PXDNL: variants seen among roughly 807,000 people sequenced by gnomAD.
The protein encoded by PXDNL is probable oxidoreductase PXDNL.
Under a neutral mutation model 150.8 loss-of-function variants are expected in PXDNL, and 145 were observed. The observed-to-expected ratio is 0.96, with a 90% CI of 0.84 to 1.10. PXDNL has a LOEUF of 1.10. Among genes scored for constraint, PXDNL ranks in the 50% least tolerant of loss-of-function variants. The pLI is 0.00. For missense variants in PXDNL, 2,087 were observed against 1,873.9 expected (o/e 1.11, Z -2.10); for synonymous variants, 757 against 725.7 (o/e 1.04, Z -0.69).
At chr8:51,608,793 C>T (rs542382065) in intron 2 of PXDNL, among the ~76,000 whole-genome samples, 55 of 139,276 alleles carry the variant, frequency 3.9e-4, no homozygotes, top group Non-Finnish European at 7.4e-4. Flanking sequence ...GCCGAGATTG[C>T]GCCACTGCAC....
intron 1 of PXDNL, among the ~76,000 whole-genome samples, chr8:51,658,376 A>G (rs1168368785): frequency 2.5e-5 from 1 of 40,792 alleles, no homozygotes; most frequent in Non-Finnish European, 4.1e-5. Flanking sequence ...AGAAAAGGAA[A>G]AAAAAAGAAA....
intron 8 of PXDNL, among the ~76,000 whole-genome samples, chr8:51,468,946 T>C (rs1011171534): frequency 6.6e-6 from 1 of 152,050 alleles, no homozygotes; most frequent in Non-Finnish European, 1.5e-5. Context: ...TTTATCAACA[T>C]GTTTAAAACT....
intron 5 of PXDNL, among the ~76,000 whole-genome samples, chr8:51,486,596 G>T (rs1810742287): frequency 6.6e-6 from 1 of 151,146 alleles, no homozygotes; most frequent in African/African-American, 2.4e-5. Context: ...ATGTATGCTT[G>T]TAGTTTCCTT....
chr8:51,591,479 G>A (rs1004812351), intron 3 of PXDNL, among the ~76,000 whole-genome samples: 2 of 141,340 alleles, frequency 1.4e-5, no homozygotes, highest in African/African-American at 2.5e-5. Context: ...GTGGTTTCGG[G>A]AGATACTACA....
intron 1 of PXDNL, among the ~76,000 whole-genome samples, chr8:51,678,322 T>C (rs1171043121): frequency 6.6e-6 from 1 of 152,202 alleles, no homozygotes. Flanking sequence ...CTGCTTGTCA[T>C]GTTGTAATGG....
intron 1 of PXDNL, among the ~76,000 whole-genome samples, chr8:51,805,132 T>C (rs913802805): frequency 1.5e-4 from 23 of 151,948 alleles, no homozygotes; most frequent in Non-Finnish European, 2.6e-4. Context: ...ACACACTTCA[T>C]CTGGGTCCCA....
intron 2 of PXDNL, among the ~76,000 whole-genome samples, chr8:51,649,904 C>G (rs1410075846): frequency 6.6e-6 from 1 of 151,780 alleles, no homozygotes; most frequent in Non-Finnish European, 1.5e-5. Context: ...GAGTTTGAGA[C>G]CAGCCTGGCC....
chr8:51,666,128 G>A (rs970675208), intron 1 of PXDNL, among the ~76,000 whole-genome samples: 1 of 152,036 alleles, frequency 6.6e-6, no homozygotes, highest in Admixed American at 6.6e-5. Context: ...CCTGGCCTAC[G>A]TCACCTCTGA....
chr8:51,346,017 C>T (rs1010568215), intron 19 of PXDNL, 70 bp from the exon 20 acceptor site: 109 of 955,578 alleles, frequency 1.1e-4, no homozygotes, highest in Admixed American at 2.4e-4. Context: ...TAGATCATTT[C>T]TTTAACAGTC....
intron 2 of PXDNL, among the ~76,000 whole-genome samples, chr8:51,619,343 C>T (rs1814191416): frequency 6.6e-6 from 1 of 152,160 alleles, no homozygotes; most frequent in Non-Finnish European, 1.5e-5. Context: ...CACATGACCC[C>T]CTTTACAGAA....
chr8:51,325,076 G>T (rs1227936264), intron 21 of PXDNL, among the ~76,000 whole-genome samples: 1 of 152,068 alleles, frequency 6.6e-6, no homozygotes, highest in African/African-American at 2.4e-5. Flanking sequence ...ATGTTGGTCA[G>T]ACTGATCTCA....
At chr8:51,335,682 TAC>T (rs3040925) in intron 21 of PXDNL, among the ~76,000 whole-genome samples, 1,925 of 137,258 alleles carry the variant, frequency 0.014, 20 homozygotes, top group Middle Eastern at 0.026. Flanking sequence ...TTATATACCC[TAC>T]ACACACACAC....
At chr8:51,567,822 C>T (rs1812858452) in intron 3 of PXDNL, among the ~76,000 whole-genome samples, 1 of 151,684 alleles carries the variant, frequency 6.6e-6, no homozygotes, top group African/African-American at 2.4e-5. Context: ...CTATGCACAT[C>T]CTCCTATATA....
intron 3 of PXDNL, among the ~76,000 whole-genome samples, chr8:51,569,472 A>C (rs1366925917): frequency 6.6e-6 from 1 of 151,964 alleles, no homozygotes; most frequent in Non-Finnish European, 1.5e-5. Flanking sequence ...AGAGATAAAC[A>C]CACATGACAA....
intron 10 of PXDNL, among the ~76,000 whole-genome samples, chr8:51,451,260 T>C (rs1033577347): frequency 6.6e-6 from 1 of 152,104 alleles, no homozygotes; most frequent in African/African-American, 2.4e-5. Flanking sequence ...GAACCCAAGA[T>C]CCACATCTTA....
chr8:51,414,913 C>T (rs1307070915), intron 14 of PXDNL, among the ~76,000 whole-genome samples: 1 of 152,064 alleles, frequency 6.6e-6, no homozygotes, highest in Non-Finnish European at 1.5e-5. Flanking sequence ...AATGAACTAC[C>T]ATTTTATGCT....
At chr8:51,546,846 T>C (rs1361736133) in intron 4 of PXDNL, among the ~76,000 whole-genome samples, 2 of 152,252 alleles carry the variant, frequency 1.3e-5, no homozygotes, top group South Asian at 4.1e-4. Context: ...GCTGACTCCA[T>C]GGGAACAGGG....
At chr8:51,622,010 C>G (rs1295217632) in intron 2 of PXDNL, among the ~76,000 whole-genome samples, 1 of 149,718 alleles carries the variant, frequency 6.7e-6, no homozygotes, top group Non-Finnish European at 1.5e-5. Context: ...GACTGATTAA[C>G]TGGGTGGTTC....
chr8:51,522,567 G>T (rs924182826), intron 4 of PXDNL, among the ~76,000 whole-genome samples: 9 of 152,132 alleles, frequency 5.9e-5, no homozygotes, highest in African/African-American at 2.2e-4. Context: ...ATGTAAGGCC[G>T]GGGCGGTGGC....
Sources: allele counts gnomAD v4.1 joint callset (sites outside exome capture counted in the v4.1 genomes callset), GRCh38; gene constraint gnomAD v4.1.1; transcripts MANE v1.5; gene names NCBI Gene and HGNC (gene_info 2026-07-23, HGNC 2026-07-21).